The following RPTOR variants were observed in gnomAD, a reference collection of about 807,000 sequenced individuals.
The protein encoded by RPTOR is regulatory-associated protein of mTOR.
In RPTOR, 21 loss-of-function variants were observed where a neutral mutation model predicts 169.9. That is an observed-to-expected ratio of 0.12 (90% confidence interval 0.09 to 0.18). The LOEUF (loss-of-function observed/expected upper bound fraction) is 0.18, where lower values mean the gene tolerates loss of function less well. Among genes scored for constraint, RPTOR ranks in the 10% least tolerant of loss-of-function variants. The pLI, the probability that RPTOR is intolerant of heterozygous loss-of-function variation, is 1.00. For synonymous variants in RPTOR, 732 were observed against 753.2 expected (o/e 0.97, Z 0.46); for missense variants, 1,133 against 1,855.9 (o/e 0.61, Z 7.16).
At chr17:80,731,353 A>T (rs1298100043) in intron 5 of RPTOR, among the ~76,000 whole-genome samples, 1 of 152,040 alleles carries the variant, frequency 6.6e-6, no homozygotes, top group Non-Finnish European at 1.5e-5. Flanking sequence ...CCACAGCTTC[A>T]GTTCCACCAG....
intron 13 of RPTOR, among the ~76,000 whole-genome samples, chr17:80,859,149 G>A (rs540805655): frequency 3.2e-4 from 49 of 152,284 alleles, no homozygotes; most frequent in Middle Eastern, 3.4e-3. Context: ...AGCCCTGTGC[G>A]GCCTAGGAGC....
At chr17:80,756,638 C>A (rs1029947749) in intron 6 of RPTOR, among the ~76,000 whole-genome samples, 6 of 152,040 alleles carry the variant, frequency 3.9e-5, no homozygotes, top group Non-Finnish European at 8.8e-5. Context: ...ATTAGGTGAG[C>A]GCTCATAGTA....
intron 33 of RPTOR, 60 bp from the exon 34 acceptor site, chr17:80,964,202 C>CCCCCCCCCCCCTGGCT: frequency 8.2e-7 from 1 of 1,224,850 alleles, no homozygotes. Flanking sequence ...TGCGCCCCCC[C>CCCCCCCCCCCCTGGCT]GCCCCCCGCA....
chr17:80,907,539 C>T (rs1398198729), intron 20 of RPTOR, among the ~76,000 whole-genome samples: 5 of 152,262 alleles, frequency 3.3e-5, no homozygotes, highest in Admixed American at 6.5e-5. Flanking sequence ...CTGGGTCCAG[C>T]GTGGCGTGGA....
chr17:80,827,618 G>T (rs1477045044), intron 9 of RPTOR, among the ~76,000 whole-genome samples: 1 of 152,228 alleles, frequency 6.6e-6, no homozygotes, highest in Non-Finnish European at 1.5e-5. Flanking sequence ...ACCTGGGACA[G>T]GGGTCCTGGG....
intron 24 of RPTOR, among the ~76,000 whole-genome samples, chr17:80,930,320 GCTCA>G (rs1598407824): frequency 1.2e-3 from 35 of 29,362 alleles, no homozygotes; most frequent in East Asian, 2.5e-3. Context: ...CCCCAGCTCA[GCTCA>G]GCTCATCCTC....
intron 3 of RPTOR, among the ~76,000 whole-genome samples, chr17:80,652,170 A>T (rs187786278): frequency 0.07 from 9,746 of 139,914 alleles, 1,054 homozygotes; most frequent in African/African-American, 0.25. Context: ...ACTCCATCTT[A>T]AAAAAAAAAA....
intron 5 of RPTOR, among the ~76,000 whole-genome samples, chr17:80,753,372 C>T (rs529794779): frequency 1.6e-4 from 19 of 121,696 alleles, no homozygotes; most frequent in African/African-American, 4.3e-4. Flanking sequence ...CGGTGGCTCA[C>T]GCCTGTAATC....
intron 3 of RPTOR, among the ~76,000 whole-genome samples, chr17:80,697,683 C>T (rs1328057769): frequency 1.1e-4 from 16 of 152,174 alleles, no homozygotes; most frequent in Admixed American, 8.5e-4. Flanking sequence ...AGATTAGCCA[C>T]GGTGGGAACG....
chr17:80,743,953 C>CTAGCACTATCCTGGT (rs2066525286), intron 5 of RPTOR, among the ~76,000 whole-genome samples: 1 of 9,836 alleles, frequency 1.0e-4, no homozygotes, highest in East Asian at 2.8e-3. Context: ...ACAGCCCTGG[C>CTAGCACTATCCTGGT]TACTAGCACA....
At position 80,820,896 on chromosome 17, in the gene RPTOR, A is replaced by G. The variant is rs983341177; in HGVS notation, c.891-1305A>G. On this transcript the variant is annotated intron_variant, in intron 7 of 33. Transcript: ENST00000306801. The surrounding 1 kb of genome is among the most constrained non-coding windows in gnomAD (Gnocchi z 4.1). ...CCAGCAGCCTGACTAGAAAACCCTG[A>G]TGTTGGGTAAACTGGTCTCCACTGT... Among the ~76,000 whole-genome samples, 3 of 152,226 alleles carry G rather than the reference A, an allele frequency of 2.0e-5. No individual in the cohort carries two copies. The highest frequency in any genetic ancestry group is 2.9e-5 in the Non-Finnish European group (2 of 68,042).
At position 80,651,005 on chromosome 17, in the gene RPTOR, G is replaced by T. The variant is rs563189235; in HGVS notation, c.348+7195G>T. Among the ~76,000 whole-genome samples, 1 of 152,328 alleles carries T rather than the reference G, an allele frequency of 6.6e-6. No individual in the cohort carries two copies. Among genetic ancestry groups the T allele is most frequent in the Non-Finnish European group, 1.5e-5 (1 of 68,036 alleles). Reference sequence around the variant, plus strand: ...GTTCCCTTTAACAAGGGAGTTGTCTGTGTGTATGACAAATTGCAAATGAGG... The same window carrying T: ...GTTCCCTTTAACAAGGGAGTTGTCTTTGTGTATGACAAATTGCAAATGAGG... On this transcript the variant is annotated intron_variant, in intron 3 of 33. Transcript: ENST00000306801. The surrounding 1 kb of genome is among the most constrained non-coding windows in gnomAD (Gnocchi z 4.1).
chr17:80,677,310 G>A (rs1255840087), intron 3 of RPTOR, among the ~76,000 whole-genome samples: 2 of 152,184 alleles, frequency 1.3e-5, no homozygotes, highest in African/African-American at 4.8e-5. Context: ...TAAAGAAAGT[G>A]TAACCCAAAA....
At chr17:80,621,363 C>T (rs181907053) in intron 1 of RPTOR, among the ~76,000 whole-genome samples, 9 of 152,336 alleles carry the variant, frequency 5.9e-5, no homozygotes, top group Non-Finnish European at 1.0e-4. Flanking sequence ...ATTTAATTAG[C>T]TGCATTTGTA....
chr17:80,819,454 G>A (rs1011867463), intron 7 of RPTOR, among the ~76,000 whole-genome samples: 3 of 152,168 alleles, frequency 2.0e-5, no homozygotes, highest in South Asian at 2.1e-4. Flanking sequence ...TAGCTGCTGC[G>A]TCGTGGTTGT....
In RPTOR at chr17:80,728,446, G is replaced by GGTGTGTGTGAGTGTGTGTGTGTGT. The variant is rs1555612021; in HGVS notation, c.508-2105_508-2104insAGTGTGTGTGTGTGTGTGTGTGTG. Among the ~76,000 whole-genome samples the GGTGTGTGTGAGTGTGTGTGTGTGT allele has an allele frequency of 2.0e-5, 3 of 148,280 alleles. No individual in the cohort carries two copies. In the East Asian group the frequency reaches 6.0e-4, roughly 30 times the overall value. On this transcript the variant is annotated intron_variant, in intron 4 of 33. Coordinates refer to ENST00000306801, the MANE Select transcript of RPTOR (RefSeq NM_020761.3). ...CATTTAGGTTTTCAGTCCACTCTGG[G>GGTGTGTGTGAGTGTGTGTGTGTGT]GTGTGTGTGTGTGTGTGTGTGTGTG...
Position 80,548,779 on chromosome 17 carries a change from G to A in RPTOR, c.162+2988G>A, listed in dbSNP as rs578167959. Among the ~76,000 whole-genome samples the A allele has an allele frequency of 5.3e-5, 8 of 152,328 alleles. No homozygotes were observed. In the East Asian group the frequency reaches 1.3e-3, roughly 26 times the overall value. On this transcript the variant is annotated intron_variant, in intron 1 of 33. Coordinates refer to ENST00000306801, the MANE Select transcript of RPTOR (RefSeq NM_020761.3). ...TGGACGTAGCCTCCAGTCTGGTGGA[G>A]CAGCATGTTTGTAAAGTGAAATGTG...
chr17:80,623,035 C>T lies in RPTOR; in HGVS notation c.163-2656C>T, dbSNP rs77452658. Among the ~76,000 whole-genome samples, 767 of 152,234 alleles carry T rather than the reference C, an allele frequency of 5.0e-3. 14 individuals carry two copies. Among genetic ancestry groups the T allele is most frequent in the East Asian group, 0.035 (183 of 5,188 alleles). On this transcript the variant is annotated intron_variant, in intron 1 of 33. Transcript: ENST00000306801. The stretch of plus-strand genomic sequence containing the variant: ...CTGTTTTGAATAGAGAATCTTATCT[C>T]GATGTGATAAAGATTGTACTTAAAA...
At chr17:80,723,072 G>A (rs1029782433) in intron 4 of RPTOR, among the ~76,000 whole-genome samples, 2 of 151,380 alleles carry the variant, frequency 1.3e-5, no homozygotes, top group Admixed American at 1.3e-4. Context: ...GTTTTGGGAA[G>A]AATAATGCAG....
Sources: gnomAD v4.1 joint callset for allele counts (sites outside exome capture counted in the v4.1 genomes callset) on GRCh38, gnomAD v4.1.1 for gene constraint, Gnocchi (gnomAD v3.1) non-coding constraint, MANE v1.5 for transcripts, NCBI Gene and HGNC (gene_info 2026-07-23, HGNC 2026-07-21) for gene names.